Variants in MAP2K5 observed in about 807,000 individuals in gnomAD.
The protein encoded by MAP2K5 is dual specificity mitogen-activated protein kinase kinase 5.
Under a neutral mutation model 83.1 loss-of-function variants are expected in MAP2K5, and 49 were observed. The ratio of observed to expected loss-of-function variants is 0.59; its 90% CI spans 0.47 to 0.75. MAP2K5 has a LOEUF of 0.75. MAP2K5 is among the 30% of genes least tolerant of loss of function. The probability of loss-of-function intolerance (pLI) is 0.00; values close to 1 mark genes in which losing one functional copy is unlikely to be tolerated. For synonymous variants in MAP2K5, 202 were observed against 191.8 expected (o/e 1.05, Z -0.44); for missense variants, 457 against 557.5 (o/e 0.82, Z 1.82).
intron 7 of MAP2K5, among the ~76,000 whole-genome samples, chr15:67,594,822 CA>C (rs536899247): frequency 6.6e-6 from 1 of 151,668 alleles, no homozygotes; most frequent in Non-Finnish European, 1.5e-5. Flanking sequence ...CCTCAAAAAC[CA>C]AAAAAACCCA....
intron 16 of MAP2K5, among the ~76,000 whole-genome samples, chr15:67,709,871 C>T (rs1387219599): frequency 6.6e-6 from 1 of 152,184 alleles, no homozygotes; most frequent in Admixed American, 6.5e-5. Context: ...ATTAAAAAGG[C>T]ACCAAGCCAG....
intron 8 of MAP2K5, among the ~76,000 whole-genome samples, chr15:67,622,338 A>G (rs925950760): frequency 3.3e-5 from 5 of 152,218 alleles, no homozygotes; most frequent in Non-Finnish European, 7.4e-5. Context: ...CGTTTGATGG[A>G]ACAGAGTTGA....
chr15:67,641,567 A>T, intron 9 of MAP2K5: 1 of 998,580 alleles, frequency 1.0e-6, no homozygotes, highest in East Asian at 1.1e-4. Flanking sequence ...AGAGTAAATT[A>T]TAATTCAGTC....
chr15:67,796,428 A>C (rs916519119), intron 21 of MAP2K5, among the ~76,000 whole-genome samples: 1 of 152,218 alleles, frequency 6.6e-6, no homozygotes, highest in Admixed American at 6.5e-5. Flanking sequence ...TCATGGCAGA[A>C]GGCAAGAGGG....
In MAP2K5 at chr15:67,769,591, C is replaced by A; in HGVS notation, c.1135-11C>A. On this transcript the variant is annotated splice_polypyrimidine_tract_variant and intron_variant, in intron 19 of 21. Coordinates refer to ENST00000178640, the MANE Select transcript of MAP2K5 (RefSeq NM_145160.3). This position sits in a 1 kb window ranked among gnomAD's most constrained non-coding sequence, Gnocchi z 5.2. Reference sequence around the variant, plus strand: ...TGTGACTTTTGGTGACATGTTTTTCCTCCATCACAGGATTCGCCCGTCCTT... The same window carrying A: ...TGTGACTTTTGGTGACATGTTTTTCATCCATCACAGGATTCGCCCGTCCTT... The A allele has an allele frequency of 1.2e-6, 2 of 1,613,464 alleles. No homozygotes were observed. Among genetic ancestry groups the A allele is most frequent in the Non-Finnish European group, 1.7e-6 (2 of 1,179,560 alleles).
In MAP2K5 at chr15:67,778,465, G is replaced by C. The variant is rs536133713; in HGVS notation, c.1242+5713G>C. ...ATCACTGTGAAAGACAAAATGCACT[G>C]GACAATTAAGAAGATGATTTTATTT... On this transcript the variant is annotated intron_variant, in intron 21 of 21. Transcript: ENST00000178640. The surrounding 1 kb of genome is among the most constrained non-coding windows in gnomAD (Gnocchi z 5.0). Among the ~76,000 whole-genome samples, 1 of 152,262 alleles carries C rather than the reference G, an allele frequency of 6.6e-6. No individual in the cohort carries two copies. The highest frequency in any genetic ancestry group is 2.1e-4 in the South Asian group (1 of 4,806).
chr15:67,584,413 G>A (rs2085246487), intron 4 of MAP2K5, among the ~76,000 whole-genome samples: 1 of 152,166 alleles, frequency 6.6e-6, no homozygotes, highest in Admixed American at 6.5e-5. Context: ...ATTTTGAAGT[G>A]TTGTCTTAGG....
chr15:67,556,268 C>T (rs371724096), intron 2 of MAP2K5, among the ~76,000 whole-genome samples: 15 of 152,162 alleles, frequency 9.9e-5, no homozygotes, highest in African/African-American at 3.6e-4. Flanking sequence ...TCTTCTTATT[C>T]TCTCTTCTTT....
At chr15:67,608,896 TC>T (rs1410397999) in intron 8 of MAP2K5, among the ~76,000 whole-genome samples, 1 of 151,948 alleles carries the variant, frequency 6.6e-6, no homozygotes, top group East Asian at 1.9e-4. Flanking sequence ...TTGGTGGGAG[TC>T]CTCACAGGGC....
chr15:67,718,835 A>G (rs754738242), intron 16 of MAP2K5, among the ~76,000 whole-genome samples: 21 of 152,312 alleles, frequency 1.4e-4, no homozygotes, highest in Non-Finnish European at 2.2e-4. Flanking sequence ...TGATACAGGC[A>G]TACAATGTGT....
intron 7 of MAP2K5, among the ~76,000 whole-genome samples, chr15:67,598,582 T>C (rs779598893): frequency 1.6e-4 from 25 of 152,180 alleles, no homozygotes; most frequent in Non-Finnish European, 3.1e-4. Flanking sequence ...CCTTGTTAGG[T>C]TGGAGTGCTG....
chr15:67,579,022 GTTAA>G (rs1350696657), intron 3 of MAP2K5, among the ~76,000 whole-genome samples: 2 of 152,192 alleles, frequency 1.3e-5, no homozygotes, highest in African/African-American at 2.4e-5. Context: ...GTACATAGCA[GTTAA>G]TTAAAGAAAA....
Position 67,727,406 on chromosome 15 carries a change from G to A in MAP2K5, c.1045-510G>A, listed in dbSNP as rs74426868. ...GAAATGGCCATTTTTCCCACTAGTG[G>A]GTAGAAAATGGATGAAAAAACTTTA... On this transcript the variant is annotated intron_variant, in intron 16 of 21. Coordinates refer to ENST00000178640, the MANE Select transcript of MAP2K5 (RefSeq NM_145160.3). Among the ~76,000 whole-genome samples, 1,263 of 152,164 alleles carry A rather than the reference G, an allele frequency of 8.3e-3. 21 individuals carry two copies. The highest frequency in any genetic ancestry group is 0.029 in the African/African-American group (1,214 of 41,514).
intron 1 of MAP2K5, chr15:67,549,074 T>C: frequency 6.5e-7 from 1 of 1,528,818 alleles, no homozygotes; most frequent in Non-Finnish European, 8.7e-7. Context: ...GCGAGCGGCT[T>C]TGTCAGCCGG....
At chr15:67,787,775 AT>A (rs968588719) in intron 21 of MAP2K5, among the ~76,000 whole-genome samples, 1 of 152,234 alleles carries the variant, frequency 6.6e-6, no homozygotes. Context: ...TTTAAATGAG[AT>A]TTTTTAAATG....
chr15:67,744,521 CAG>C (rs1365341008), intron 17 of MAP2K5, among the ~76,000 whole-genome samples: 1 of 152,216 alleles, frequency 6.6e-6, no homozygotes, highest in African/African-American at 2.4e-5. Context: ...GCCATAATTT[CAG>C]AGAGTAAAAG....
At chr15:67,695,758 G>GT (rs1326569013) in intron 15 of MAP2K5, among the ~76,000 whole-genome samples, 1 of 152,134 alleles carries the variant, frequency 6.6e-6, no homozygotes, top group African/African-American at 2.4e-5. Context: ...AAAGAAATTA[G>GT]TTTTTTATTT....
chr15:67,580,532 T>A (rs1209916931), intron 3 of MAP2K5, among the ~76,000 whole-genome samples: 1 of 92,706 alleles, frequency 1.1e-5, no homozygotes, highest in African/African-American at 2.9e-5. Flanking sequence ...ATCAACACTT[T>A]TACTCTTAAA....
At chr15:67,582,147 T>G (rs1438695138) in intron 4 of MAP2K5, among the ~76,000 whole-genome samples, 3 of 146,718 alleles carry the variant, frequency 2.0e-5, no homozygotes, top group Non-Finnish European at 4.5e-5. Context: ...CCGCAACCTC[T>G]GACTCCCTGG....
Sources: gnomAD v4.1 joint callset for allele counts (sites outside exome capture counted in the v4.1 genomes callset) on GRCh38, gnomAD v4.1.1 for gene constraint, Gnocchi (gnomAD v3.1) non-coding constraint, MANE v1.5 for transcripts, NCBI Gene and HGNC (gene_info 2026-07-23, HGNC 2026-07-21) for gene names.